SLCO5A1: variants seen among roughly 807,000 people sequenced by gnomAD.
SLCO5A1 encodes organic anion transporter polypeptide-related protein 4.
In SLCO5A1, 39 loss-of-function variants were observed where a neutral mutation model predicts 65.1. The observed-to-expected ratio is 0.60, with a 90% confidence interval of 0.46 to 0.78. SLCO5A1 has a LOEUF of 0.78. Among genes scored for constraint, SLCO5A1 ranks in the 30% least tolerant of loss-of-function variants. The probability of loss-of-function intolerance (pLI) is 0.00; values close to 1 mark genes in which losing one functional copy is unlikely to be tolerated. For missense variants in SLCO5A1, 1,029 were observed against 1,069.4 expected, an observed-to-expected ratio of 0.96 and a Z score of 0.53; for synonymous variants, 438 against 415.7, an observed-to-expected ratio of 1.05 and a Z score of -0.65.
chr8:69,832,787 G>C lies in SLCO5A1; in HGVS notation c.-114C>G, dbSNP rs1821231118. 7.8e-7 allele frequency: 1 copy of C among 1,278,952 alleles called. No homozygotes were observed. The highest frequency in any genetic ancestry group is 1.1e-6 in the Non-Finnish European group (1 of 950,520). The allele number at this position is 1,278,952 out of a possible 1,614,324, so 79.2% of individuals were successfully genotyped here. On this transcript the variant is annotated 5_prime_UTR_variant, in exon 2 of 10. Transcript: ENST00000260126. The surrounding 1 kb of genome is among the most constrained non-coding windows in gnomAD (Gnocchi z 4.5). ...AGTCAGTCTTGCCCACCTGGGACTG[G>C]GGCTGGGGGCGCAGGGCCGCGCAGC...
chr8:69,797,808 C>T (rs1819565245), intron 2 of SLCO5A1, among the ~76,000 whole-genome samples: 1 of 152,224 alleles, frequency 6.6e-6, no homozygotes, highest in African/African-American at 2.4e-5. Flanking sequence ...GTGCCCAAAA[C>T]TTCATTAGCA....
chr8:69,815,226 T>C (rs1445136295), intron 2 of SLCO5A1, among the ~76,000 whole-genome samples: 5 of 152,236 alleles, frequency 3.3e-5, no homozygotes, highest in Admixed American at 6.5e-5. Context: ...TAGTCTGCAT[T>C]GTATTCATAA....
chr8:69,763,443 C>T (rs1817896303), intron 2 of SLCO5A1, among the ~76,000 whole-genome samples: 1 of 151,494 alleles, frequency 6.6e-6, no homozygotes, highest in Non-Finnish European at 1.5e-5. Flanking sequence ...GGTGAAACCC[C>T]ATTTCTACCA....
intron 5 of SLCO5A1, among the ~76,000 whole-genome samples, chr8:69,714,185 A>T (rs1815407748): frequency 6.6e-6 from 1 of 151,838 alleles, no homozygotes; most frequent in Admixed American, 6.6e-5. Flanking sequence ...AATGAACAAG[A>T]TGTATCATTA....
In SLCO5A1 at chr8:69,832,218, T is replaced by C. The variant is rs772582397; in HGVS notation, c.456A>G (p.Val152=). ...TGTAGCGCCTTTCAATGGTGGTAAT[T>C]ACGCTGCTCAGGTACCCAGAGACCA... ...ALMVSGYLSS[V]ITTIERRYSL... is the part of the protein sequence containing the mutation. Residue 152 remains valine (V), a synonymous_variant, in exon 2 of 10, where the codon GTA becomes GTG. Transcript: ENST00000260126. This position sits in a 1 kb window ranked among gnomAD's most constrained non-coding sequence, Gnocchi z 4.5. 1.2e-6 allele frequency: 2 copies of C among 1,614,118 alleles called. No homozygotes were observed. The highest frequency in any genetic ancestry group is 1.1e-5 in the South Asian group (1 of 91,082).
chr8:69,809,039 G>A (rs1248157761), intron 2 of SLCO5A1, among the ~76,000 whole-genome samples: 2 of 152,172 alleles, frequency 1.3e-5, no homozygotes, highest in Non-Finnish European at 2.9e-5. Context: ...AGGAGGAAGA[G>A]GTTGCAGTAA....
At chr8:69,772,169 C>T (rs138423194) in intron 2 of SLCO5A1, among the ~76,000 whole-genome samples, 26 of 152,242 alleles carry the variant, frequency 1.7e-4, no homozygotes, top group South Asian at 6.2e-4. Flanking sequence ...CTTGCAACCT[C>T]GGGGAACAAC....
At chr8:69,781,361 C>G (rs1178075736) in intron 2 of SLCO5A1, among the ~76,000 whole-genome samples, 2 of 152,210 alleles carry the variant, frequency 1.3e-5, no homozygotes, top group African/African-American at 4.8e-5. Flanking sequence ...CTTTAGGACA[C>G]CTTTAACACT....
chr8:69,753,260 A>G (rs555253380), intron 4 of SLCO5A1, among the ~76,000 whole-genome samples: 129 of 152,228 alleles, frequency 8.5e-4, no homozygotes, highest in African/African-American at 3.0e-3. Flanking sequence ...AGAATTGCCT[A>G]CCCCAAGAGG....
At chr8:69,829,527 A>C (rs76191697) in intron 2 of SLCO5A1, among the ~76,000 whole-genome samples, 2,108 of 152,220 alleles carry the variant, frequency 0.014, 43 homozygotes, top group African/African-American at 0.047. Context: ...CTCCACAAAA[A>C]ATTAGCTGGG....
In SLCO5A1 at chr8:69,752,711, C is replaced by T. The variant is rs1817369680; in HGVS notation, c.1258+2713G>A. Among the ~76,000 whole-genome samples the T allele has an allele frequency of 2.0e-5, 3 of 152,254 alleles. No individual in the cohort carries two copies. The South Asian group carries it at 6.2e-4, about 32-fold the overall frequency. ...CAAGATAATGTGTCTCTTGAAGTTC[C>T]AGTCTTGATATGATTAGAGAATCCA... On this transcript the variant is annotated intron_variant, in intron 4 of 9. Transcript: ENST00000260126.
chr8:69,688,795 C>T (rs1293009184), intron 6 of SLCO5A1, among the ~76,000 whole-genome samples: 1 of 152,168 alleles, frequency 6.6e-6, no homozygotes. Context: ...CCGCAATAAA[C>T]ATACGTGTGC....
At chr8:69,765,399 T>TACACACACACAC (rs1181613297) in intron 2 of SLCO5A1, among the ~76,000 whole-genome samples, 1 of 149,696 alleles carries the variant, frequency 6.7e-6, no homozygotes, top group African/African-American at 2.5e-5. Context: ...TATATATATA[T>TACACACACACAC]ATACACACAC....
At chr8:69,814,895 A>C (rs1820341246) in intron 2 of SLCO5A1, among the ~76,000 whole-genome samples, 1 of 152,234 alleles carries the variant, frequency 6.6e-6, no homozygotes, top group Non-Finnish European at 1.5e-5. Flanking sequence ...GAAATAAGCC[A>C]GGCACAGAAA....
chr8:69,697,215 G>A (rs193166648), intron 6 of SLCO5A1, among the ~76,000 whole-genome samples: 4 of 152,282 alleles, frequency 2.6e-5, no homozygotes, highest in African/African-American at 9.6e-5. Context: ...TTTAGATGGT[G>A]AGGATGCAAC....
At chr8:69,778,926 T>C (rs1204647146) in intron 2 of SLCO5A1, among the ~76,000 whole-genome samples, 1 of 152,190 alleles carries the variant, frequency 6.6e-6, no homozygotes, top group East Asian at 1.9e-4. Flanking sequence ...TGACTTCTTA[T>C]AGGCCAAACT....
At chr8:69,798,534 C>A (rs890359784) in intron 2 of SLCO5A1, among the ~76,000 whole-genome samples, 4 of 152,118 alleles carry the variant, frequency 2.6e-5, no homozygotes, top group Non-Finnish European at 5.9e-5. Context: ...TTTTAAATAA[C>A]CAGATCTCAT....
intron 5 of SLCO5A1, among the ~76,000 whole-genome samples, chr8:69,716,842 C>T (rs1815565634): frequency 6.6e-6 from 1 of 151,042 alleles, no homozygotes; most frequent in Admixed American, 6.6e-5. Context: ...TACAGTGGCA[C>T]AGCCATGGCT....
rs1586807438 is a variant in SLCO5A1 at position 69,794,211 on chromosome 8, G to T, written c.908-32336C>A. ...GTTGCTGGAAGGAGACTGGATGATA[G>T]AATTTTGTGCCCTGTGGTACCCTGC... On this transcript the variant is annotated intron_variant, in intron 2 of 9. Transcript: ENST00000260126. 1.5e-5 allele frequency: 6 copies of T among 409,598 alleles called. No individual in the cohort carries two copies. The East Asian group carries it at 3.2e-4, about 22-fold the overall frequency. 25.4% of individuals were successfully genotyped at this position (409,598 alleles called of 1,614,324 possible).
Sources: gnomAD v4.1 joint callset for allele counts (sites outside exome capture counted in the v4.1 genomes callset) on GRCh38, gnomAD v4.1.1 for gene constraint, Gnocchi (gnomAD v3.1) non-coding constraint, MANE v1.5 for transcripts, NCBI Gene and HGNC (gene_info 2026-07-23, HGNC 2026-07-21) for gene names.